The following RFX2 variants were observed in gnomAD, a reference collection of about 807,000 sequenced individuals.
RFX2 encodes the protein regulatory factor X2.
Under a neutral mutation model 87.8 loss-of-function variants are expected in RFX2, and 20 were observed. That is an observed-to-expected ratio of 0.23 (90% CI 0.16 to 0.33). The LOEUF is 0.33. Among genes scored for constraint, RFX2 ranks in the 10% least tolerant of loss-of-function variants. The pLI is 1.00. For missense variants in RFX2, 767 were observed against 1,012.3 expected (o/e 0.76, Z 3.29); for synonymous variants, 397 against 431.3 (o/e 0.92, Z 0.98).
Position 6,072,978 on chromosome 19 carries a change from G to T in RFX2, c.-8-25474C>A, listed in dbSNP as rs939195693. The stretch of plus-strand genomic sequence containing the variant: ...GGGTTTGCAGAAGGTTCAAGGACCA[G>T]ATATTTTTTTTTCTTTTTTGAGACA... On this transcript the variant is annotated intron_variant, in intron 1 of 17. Coordinates refer to ENST00000303657, the MANE Select transcript of RFX2 (RefSeq NM_000635.4). 3.0e-5 allele frequency: 19 copies of T among 629,158 alleles called. No individual in the cohort carries two copies. In the East Asian group the frequency reaches 5.7e-4, roughly 19 times the overall value. The allele number at this position is 629,158 out of a possible 1,614,324, so 39.0% of individuals were successfully genotyped here. A position where few individuals can be genotyped will look rare whatever the true frequency, so the allele number is the denominator to read the frequency against.
At position 6,107,157 on chromosome 19, in the gene RFX2, G is replaced by A. The variant is rs182503016; in HGVS notation, c.-9+3236C>T. On this transcript the variant is annotated intron_variant, in intron 1 of 17. Coordinates refer to ENST00000303657, the MANE Select transcript of RFX2 (RefSeq NM_000635.4). The stretch of plus-strand genomic sequence containing the variant: ...AAAAAATACGAAAAATTAGCCGGGC[G>A]TGGTGGCAGGCGCCTGTAGTCCCAG... Among the ~76,000 whole-genome samples the A allele has an allele frequency of 2.6e-3, 403 of 152,164 alleles. 3 individuals are homozygous for A. Among genetic ancestry groups the A allele is most frequent in the African/African-American group, 9.2e-3 (380 of 41,524 alleles).
intron 1 of RFX2, chr19:6,073,274 CT>C: frequency 1.2e-6 from 1 of 856,460 alleles, no homozygotes; most frequent in Non-Finnish European, 1.9e-6. Flanking sequence ...GCCACCGCGC[CT>C]GCAAGGGCCA....
chr19:6,049,606 C>T (rs570176433), intron 1 of RFX2, among the ~76,000 whole-genome samples: 1 of 152,172 alleles, frequency 6.6e-6, no homozygotes, highest in Non-Finnish European at 1.5e-5. Flanking sequence ...ATGGCATGAT[C>T]TTGGCTCTGC....
At chr19:6,015,356 G>A (rs968540219) in intron 7 of RFX2, among the ~76,000 whole-genome samples, 1 of 152,022 alleles carries the variant, frequency 6.6e-6, no homozygotes, top group East Asian at 2.0e-4. Context: ...TTGAACCCAG[G>A]AGGTGGAGGC....
intron 1 of RFX2, among the ~76,000 whole-genome samples, chr19:6,071,347 C>T (rs1017842603): frequency 1.3e-5 from 2 of 152,104 alleles, no homozygotes; most frequent in African/African-American, 2.4e-5. Context: ...GAGGAGGTCT[C>T]GCCTGTCTTT....
In RFX2 at chr19:6,005,967, G is replaced by A. The variant is rs576293743; in HGVS notation, c.1402+1045C>T. ...AGTGACGGCTCCAGGGCTGCACACA[G>A]GCTACTCCCAGAGGCCGGCCTGCAT... On this transcript the variant is annotated intron_variant, in intron 12 of 17. Transcript: ENST00000303657. Among the ~76,000 whole-genome samples the A allele has an allele frequency of 2.0e-4, 30 of 152,330 alleles. 1 individual carries two copies. The highest frequency in any genetic ancestry group is 6.7e-4 in the African/African-American group (28 of 41,578).
In RFX2 at chr19:6,007,590, T is replaced by C. The variant is rs1599845029; in HGVS notation, c.1247+100A>G. 18 of 714,068 alleles carry C rather than the reference T, an allele frequency of 2.5e-5. 1 individual carries two copies. The South Asian group carries it at 2.6e-4, about 10-fold the overall frequency. The allele number at this position is 714,068 out of a possible 1,614,324, so 44.2% of individuals were successfully genotyped here. A position where few individuals can be genotyped will look rare whatever the true frequency, so the allele number is the denominator to read the frequency against. The stretch of plus-strand genomic sequence containing the variant: ...GGAGGCAGAGGGGTCTGAACCCTGA[T>C]TCTTGGAGAGCTGAGGCTTTCGTTT... On this transcript the variant is annotated intron_variant, in intron 11 of 17. Transcript: ENST00000303657. The surrounding 1 kb of genome is among the most constrained non-coding windows in gnomAD (Gnocchi z 8.2).
chr19:6,078,674 T>TATG lies in RFX2; in HGVS notation c.-8-31173_-8-31171dup, dbSNP rs557131920. Reference sequence around the variant, plus strand: ...TATATGACTAACAGTGCTTACCTCATATGAGGTGGGATAGACAGAAAGACG... The same window carrying TATG: ...TATATGACTAACAGTGCTTACCTCATATGATGAGGTGGGATAGACAGAAAGACG... On this transcript the variant is annotated intron_variant, in intron 1 of 17. Transcript: ENST00000303657. 1.6e-4 allele frequency among the ~76,000 whole-genome samples: 25 copies of TATG among 152,352 alleles called. No individual in the cohort carries two copies. In the South Asian group the frequency reaches 4.8e-3, roughly 29 times the overall value.
At chr19:6,030,611 G>A (rs954001146) in intron 5 of RFX2, among the ~76,000 whole-genome samples, 1 of 152,170 alleles carries the variant, frequency 6.6e-6, no homozygotes, top group African/African-American at 2.4e-5. Context: ...GGACAATGGA[G>A]AGTGGCTGCT....
chr19:6,038,400 A>AAATC (rs1234426625), intron 5 of RFX2, among the ~76,000 whole-genome samples: 1 of 151,918 alleles, frequency 6.6e-6, no homozygotes, highest in Non-Finnish European at 1.5e-5. Flanking sequence ...AAACAGGAGA[A>AAATC]AATCTTCATA....
chr19:6,027,616 G>A lies in RFX2; in HGVS notation c.523-1379C>T, dbSNP rs977883591. The stretch of plus-strand genomic sequence containing the variant: ...TCTGGAAGTCTGCCCTAATCTCAGG[G>A]GGCCTTGTCCAGTGCCCAGCAGACT... On this transcript the variant is annotated intron_variant, in intron 5 of 17. Transcript: ENST00000303657. This position sits in a 1 kb window ranked among gnomAD's most constrained non-coding sequence, Gnocchi z 5.0. Among the ~76,000 whole-genome samples the A allele has an allele frequency of 1.3e-5, 2 of 152,200 alleles. No homozygotes were observed. The highest frequency in any genetic ancestry group is 4.8e-5 in the African/African-American group (2 of 41,454).
chr19:6,032,131 A>C (rs1399435364), intron 5 of RFX2, among the ~76,000 whole-genome samples: 2 of 151,938 alleles, frequency 1.3e-5, no homozygotes, highest in African/African-American at 4.8e-5. Flanking sequence ...TATTATTATT[A>C]TTATTTTTTG....
Position 6,032,925 on chromosome 19 carries a change from C to T in RFX2, c.523-6688G>A, listed in dbSNP as rs1430159829. Among the ~76,000 whole-genome samples, 3 of 152,206 alleles carry T rather than the reference C, an allele frequency of 2.0e-5. No individual in the cohort carries two copies. In the East Asian group the frequency reaches 5.8e-4, roughly 29 times the overall value. On this transcript the variant is annotated intron_variant, in intron 5 of 17. Transcript: ENST00000303657. ...CACCTCAGTCTCCCAAGTAGCTGAA[C>T]ATACAGGCATGTGCCACCACAACCA...
At position 6,026,290 on chromosome 19, in the gene RFX2, A is replaced by G. The variant is rs62107188; in HGVS notation, c.523-53T>C. 2.2e-6 allele frequency: 3 copies of G among 1,375,272 alleles called. No homozygotes were observed. The highest frequency in any genetic ancestry group is 1.8e-5 in the Admixed American group (1 of 54,438). 85.2% of individuals were successfully genotyped at this position (1,375,272 alleles called of 1,614,324 possible). A position where few individuals can be genotyped will look rare whatever the true frequency, so the allele number is the denominator to read the frequency against. On this transcript the variant is annotated intron_variant, in intron 5 of 17. Transcript: ENST00000303657. This position sits in a 1 kb window ranked among gnomAD's most constrained non-coding sequence, Gnocchi z 4.5. ...CAAAACAAAATGGAAAAAAAAAAAA[A>G]GGAAATCAGATGGTTAGCATCAGCC...
rs191639924 is a variant in RFX2 at position 6,021,269 on chromosome 19, G to T, written c.597+4894C>A. Among the ~76,000 whole-genome samples, 4 of 152,186 alleles carry T rather than the reference G, an allele frequency of 2.6e-5. No homozygotes were observed. Reference sequence around the variant, plus strand: ...TTTCACCCATTCCACAAATATTTACGAGAGCTGGCTCTATGCCAGGCCTTG... The same window carrying T: ...TTTCACCCATTCCACAAATATTTACTAGAGCTGGCTCTATGCCAGGCCTTG... On this transcript the variant is annotated intron_variant, in intron 6 of 17. Coordinates refer to ENST00000303657, the MANE Select transcript of RFX2 (RefSeq NM_000635.4). This position sits in a 1 kb window ranked among gnomAD's most constrained non-coding sequence, Gnocchi z 5.7.
intron 7 of RFX2, 147 bp downstream of exon 7, chr19:6,015,943 C>T (rs558348527): frequency 4.1e-5 from 27 of 655,182 alleles, no homozygotes; most frequent in Admixed American, 1.4e-4. Flanking sequence ...CCAAGGCTGC[C>T]GCCAATTGAA....
chr19:6,103,355 A>AT (rs1259885275), intron 1 of RFX2, among the ~76,000 whole-genome samples: 9 of 152,216 alleles, frequency 5.9e-5, no homozygotes, highest in African/African-American at 2.2e-4. Flanking sequence ...GGGTTTTCAA[A>AT]CATGCAAGAC....
chr19:6,025,784 C>CTTTTT (rs1217365706), intron 6 of RFX2, among the ~76,000 whole-genome samples: 4 of 130,024 alleles, frequency 3.1e-5, no homozygotes, highest in Non-Finnish European at 4.9e-5. Context: ...TTGTCTTCTT[C>CTTTTT]TTTTTTTTTT....
At chr19:6,005,463 AC>A (rs2086568122) in intron 12 of RFX2, among the ~76,000 whole-genome samples, 1 of 151,750 alleles carries the variant, frequency 6.6e-6, no homozygotes, top group African/African-American at 2.4e-5. Flanking sequence ...TTCCTTGACG[AC>A]CCCCAGGGTT....
Sources: gnomAD v4.1 joint callset for allele counts (sites outside exome capture counted in the v4.1 genomes callset) on GRCh38, gnomAD v4.1.1 for gene constraint, Gnocchi (gnomAD v3.1) non-coding constraint, MANE v1.5 for transcripts, NCBI Gene and HGNC (gene_info 2026-07-23, HGNC 2026-07-21) for gene names.